Variants in NELL1 observed in about 807,000 individuals in gnomAD.
NELL1 encodes neural EGFL like 1, also known as protein kinase C-binding protein NELL1.
A neutral mutation model predicts 107.4 loss-of-function variants in NELL1; 76 were observed. That is an observed-to-expected ratio of 0.71 (90% CI 0.59 to 0.86). The LOEUF (loss-of-function observed/expected upper bound fraction) is 0.86. Among genes scored for constraint, NELL1 ranks in the 40% least tolerant of loss-of-function variants. The pLI, the probability that NELL1 is intolerant of heterozygous loss-of-function variation, is 0.00. For missense variants in NELL1, 1,024 were observed against 1,005.5 expected, an observed-to-expected ratio of 1.02 and a Z score of -0.25; for synonymous variants, 353 against 341.2, an observed-to-expected ratio of 1.03 and a Z score of -0.38.
At chr11:21,546,106 G>A (rs1333222612) in intron 16 of NELL1, among the ~76,000 whole-genome samples, 1 of 151,950 alleles carries the variant, frequency 6.6e-6, no homozygotes. Flanking sequence ...CTGGGATCTT[G>A]GCCACTAACA....
chr11:21,294,003 C>T (rs2133963687), intron 14 of NELL1, among the ~76,000 whole-genome samples: 1 of 152,180 alleles, frequency 6.6e-6, no homozygotes, highest in Non-Finnish European at 1.5e-5. Context: ...GTGCAGCAAA[C>T]CACTATTCCA....
chr11:20,864,144 T>A (rs1849050977), intron 4 of NELL1, among the ~76,000 whole-genome samples: 1 of 151,992 alleles, frequency 6.6e-6, no homozygotes, highest in Admixed American at 6.6e-5. Context: ...AGGGAGAGAA[T>A]TTTTTTATTT....
chr11:21,380,475 A>G (rs1334554853), intron 15 of NELL1, among the ~76,000 whole-genome samples: 1 of 152,010 alleles, frequency 6.6e-6, no homozygotes, highest in Non-Finnish European at 1.5e-5. Context: ...AGAGAATGTG[A>G]TCATGTTTGG....
chr11:21,332,796 A>AT lies in NELL1; in HGVS notation c.1550-38050dup, dbSNP rs898112269. The stretch of plus-strand genomic sequence containing the variant: ...TTTTAATTTTTATATAACTGAAATT[A>AT]TTTTTTTAATAATTTCTTCCAACTA... On this transcript the variant is annotated intron_variant, in intron 14 of 19. Transcript: ENST00000357134. 7.2e-5 allele frequency among the ~76,000 whole-genome samples: 11 copies of AT among 151,856 alleles called. No individual in the cohort carries two copies. In the South Asian group the frequency reaches 1.2e-3, roughly 17 times the overall value.
At chr11:21,501,620 A>C (rs1042730886) in intron 15 of NELL1, among the ~76,000 whole-genome samples, 6 of 152,188 alleles carry the variant, frequency 3.9e-5, no homozygotes, top group African/African-American at 1.4e-4. Flanking sequence ...TTGGGATTTA[A>C]ACTGGTTTAT....
intron 2 of NELL1, among the ~76,000 whole-genome samples, chr11:20,772,503 GA>G (rs1037604100): frequency 2.0e-5 from 3 of 152,170 alleles, no homozygotes; most frequent in African/African-American, 7.2e-5. Context: ...TCATGTATAT[GA>G]ATATGCTTAG....
rs187285041 is a variant in NELL1, at chr11:21,092,023, A to T, written c.1301-21566A>T. On this transcript the variant is annotated intron_variant, in intron 12 of 19. Transcript: ENST00000357134. ...AATATATTTGCTCAAGGAACAGGTGAGTAGAGCATCCCAGATGGAAGGAAC... is the reference window on the plus strand; with the variant it reads ...AATATATTTGCTCAAGGAACAGGTGTGTAGAGCATCCCAGATGGAAGGAAC... Among the ~76,000 whole-genome samples, 13 of 152,328 alleles carry T rather than the reference A, an allele frequency of 8.5e-5. No homozygotes were observed. In the East Asian group the frequency reaches 2.3e-3, roughly 27 times the overall value.
In NELL1 at chr11:21,568,869, C is replaced by CTT. The variant is rs60723180; in HGVS notation, c.1981-1884_1981-1883dup. ...TTGCCTGAGGCTGTTTTAGTTATCTCTTTTTTTTTTTTATAAGTAGGAAGA... is the reference window on the plus strand; with the variant it reads ...TTGCCTGAGGCTGTTTTAGTTATCTCTTTTTTTTTTTTTTATAAGTAGGAAGA... On this transcript the variant is annotated intron_variant, in intron 17 of 19. Coordinates refer to ENST00000357134, the MANE Select transcript of NELL1 (RefSeq NM_006157.5). 8.6e-3 allele frequency among the ~76,000 whole-genome samples: 1,270 copies of CTT among 147,892 alleles called. 15 individuals are homozygous for CTT. The highest frequency in any genetic ancestry group is 0.03 in the African/African-American group (1,217 of 40,402).
At position 21,356,609 on chromosome 11, in the gene NELL1, A is replaced by G. The variant is rs375486247; in HGVS notation, c.1550-14244A>G. ...AGAACAGGATCTATATTACTAGAGC[A>G]TATAATAATACTGTAGCGCATAGTA... On this transcript the variant is annotated intron_variant, in intron 14 of 19. Transcript: ENST00000357134. 8.5e-5 allele frequency among the ~76,000 whole-genome samples: 13 copies of G among 152,350 alleles called. No homozygotes were observed. In the East Asian group the frequency reaches 1.9e-3, roughly 23 times the overall value.
chr11:20,815,167 T>C (rs1564920541), intron 3 of NELL1, among the ~76,000 whole-genome samples: 1 of 151,992 alleles, frequency 6.6e-6, no homozygotes, highest in Non-Finnish European at 1.5e-5. Flanking sequence ...CGGGTTCAAG[T>C]GATTCTCCTG....
intron 2 of NELL1, among the ~76,000 whole-genome samples, chr11:20,738,584 C>G (rs899501932): frequency 6.6e-6 from 1 of 152,132 alleles, no homozygotes; most frequent in Non-Finnish European, 1.5e-5. Flanking sequence ...TTTCTTCATT[C>G]TTTTCTGATG....
At chr11:21,303,241 C>A (rs553347809) in intron 14 of NELL1, among the ~76,000 whole-genome samples, 10 of 152,060 alleles carry the variant, frequency 6.6e-5, no homozygotes, top group African/African-American at 2.4e-4. Context: ...ATGCTACCAG[C>A]TGGTTATCTA....
intron 12 of NELL1, among the ~76,000 whole-genome samples, chr11:20,995,126 G>T (rs55634942): frequency 0.2 from 29,892 of 149,474 alleles, 3,043 homozygotes; most frequent in Middle Eastern, 0.28. Context: ...TAATTTTCTG[G>T]TTTTTTTTTT....
chr11:20,939,632 C>G (rs1850806762), intron 10 of NELL1, among the ~76,000 whole-genome samples: 1 of 152,132 alleles, frequency 6.6e-6, no homozygotes. Flanking sequence ...AGCCAGTTAC[C>G]TGGAATTATC....
At chr11:20,685,164 A>G (rs1297795261) in intron 2 of NELL1, among the ~76,000 whole-genome samples, 2 of 151,826 alleles carry the variant, frequency 1.3e-5, no homozygotes, top group African/African-American at 4.8e-5. Context: ...TTCCTATGCT[A>G]TGCCTGGAAA....
intron 10 of NELL1, among the ~76,000 whole-genome samples, chr11:20,946,668 G>A (rs879376661): frequency 6.6e-6 from 1 of 152,086 alleles, no homozygotes; most frequent in Non-Finnish European, 1.5e-5. Flanking sequence ...TTCCCTCAAA[G>A]CTGGTGTCTT....
chr11:21,206,566 G>A (rs1441255861), intron 13 of NELL1, among the ~76,000 whole-genome samples: 1 of 152,092 alleles, frequency 6.6e-6, no homozygotes, highest in African/African-American at 2.4e-5. Context: ...CATTTTCAGA[G>A]TTCTGTGTTT....
chr11:20,765,625 C>T (rs114467867), intron 2 of NELL1, among the ~76,000 whole-genome samples: 388 of 152,048 alleles, frequency 2.6e-3, no homozygotes, highest in African/African-American at 7.0e-3. Context: ...ATGGCCTGAC[C>T]GGAGACCCTA....
intron 2 of NELL1, among the ~76,000 whole-genome samples, chr11:20,781,259 C>A (rs1447205910): frequency 6.6e-6 from 1 of 152,152 alleles, no homozygotes; most frequent in Non-Finnish European, 1.5e-5. Flanking sequence ...AGTTTTTTGA[C>A]TTGAGGAACA....
Sources: allele counts gnomAD v4.1 joint callset (sites outside exome capture counted in the v4.1 genomes callset), GRCh38; gene constraint gnomAD v4.1.1; transcripts MANE v1.5; gene names NCBI Gene and HGNC (gene_info 2026-07-23, HGNC 2026-07-21).